TIAM1: variants seen among roughly 807,000 people sequenced by gnomAD.
TIAM1 encodes rho guanine nucleotide exchange factor TIAM1.
A neutral mutation model predicts 163.5 loss-of-function variants in TIAM1; 65 were observed. The ratio of observed to expected loss-of-function variants is 0.40; its 90% CI spans 0.33 to 0.49. The LOEUF is 0.49. TIAM1 is among the 20% of genes least tolerant of loss of function. TIAM1 has a pLI of 0.77. For missense variants in TIAM1, 1,789 were observed against 2,044.7 expected (o/e 0.87, Z 2.41); for synonymous variants, 833 against 810.1 (o/e 1.03, Z -0.48).
intron 23 of TIAM1, among the ~76,000 whole-genome samples, chr21:31,132,409 G>A (rs938286478): frequency 6.6e-6 from 1 of 152,082 alleles, no homozygotes; most frequent in East Asian, 1.9e-4. Context: ...CCCCACAAAG[G>A]TTCACACTGA....
At position 31,177,603 on chromosome 21, in the gene TIAM1, T is replaced by TC. The variant is rs544896721; in HGVS notation, c.2887+4817dup. 6.2e-3 allele frequency among the ~76,000 whole-genome samples: 941 copies of TC among 151,880 alleles called. 14 individuals carry two copies. Among genetic ancestry groups the TC allele is most frequent in the African/African-American group, 0.021 (879 of 41,408 alleles). ...GGCTGGGTGACAGAGTGAGACTCTG[T>TC]CCCCCCCACCAATGACTGAGTTCCA... is the stretch of plus-strand genomic sequence containing the variant. On this transcript the variant is annotated intron_variant, in intron 15 of 27. Transcript: ENST00000541036.
intron 19 of TIAM1, among the ~76,000 whole-genome samples, chr21:31,152,378 C>T (rs991372836): frequency 6.6e-6 from 1 of 152,170 alleles, no homozygotes; most frequent in Non-Finnish European, 1.5e-5. Flanking sequence ...ATTAAAGGCC[C>T]CCACATAAAC....
intron 13 of TIAM1, among the ~76,000 whole-genome samples, chr21:31,191,497 C>T (rs1207313551): frequency 6.6e-6 from 1 of 152,174 alleles, no homozygotes; most frequent in Non-Finnish European, 1.5e-5. Context: ...CAGGTGCCAA[C>T]TGTTTGCTAA....
At chr21:31,421,686 A>C (rs934463628) in intron 2 of TIAM1, among the ~76,000 whole-genome samples, 9 of 152,206 alleles carry the variant, frequency 5.9e-5, no homozygotes, top group African/African-American at 2.2e-4. Flanking sequence ...ACACTGCCCC[A>C]GAGCATTCAG....
chr21:31,407,950 T>G (rs2077277277), intron 2 of TIAM1, among the ~76,000 whole-genome samples: 1 of 152,154 alleles, frequency 6.6e-6, no homozygotes, highest in Non-Finnish European at 1.5e-5. Context: ...AATCAATCCT[T>G]TTAAGGATAT....
At chr21:31,360,795 C>G (rs1488807098) in intron 2 of TIAM1, among the ~76,000 whole-genome samples, 1 of 152,142 alleles carries the variant, frequency 6.6e-6, no homozygotes, top group Non-Finnish European at 1.5e-5. Context: ...ACCAATAAAC[C>G]TATGAATAGG....
intron 2 of TIAM1, among the ~76,000 whole-genome samples, chr21:31,338,531 C>T (rs573894985): frequency 6.6e-5 from 10 of 152,250 alleles, no homozygotes; most frequent in African/African-American, 1.4e-4. Context: ...AGGAAGTAAA[C>T]GGGGACTGCA....
chr21:31,129,805 G>A (rs1191142744), intron 25 of TIAM1, among the ~76,000 whole-genome samples: 4 of 152,174 alleles, frequency 2.6e-5, no homozygotes, highest in African/African-American at 7.2e-5. Context: ...TGGTATTTTT[G>A]GATCTCTCAG....
At chr21:31,470,752 G>C (rs911228029) in intron 1 of TIAM1, among the ~76,000 whole-genome samples, 5 of 152,236 alleles carry the variant, frequency 3.3e-5, no homozygotes, top group Non-Finnish European at 7.3e-5. Context: ...AAAATTTTAA[G>C]AGACAATGCT....
At chr21:31,221,857 G>A (rs552735440) in intron 8 of TIAM1, among the ~76,000 whole-genome samples, 30 of 152,242 alleles carry the variant, frequency 2.0e-4, no homozygotes, top group South Asian at 4.2e-4. Flanking sequence ...CTGAGATTTG[G>A]CTAAGTTAAA....
intron 2 of TIAM1, among the ~76,000 whole-genome samples, chr21:31,381,207 G>T (rs1050114072): frequency 6.6e-6 from 1 of 152,102 alleles, no homozygotes; most frequent in Non-Finnish European, 1.5e-5. Context: ...CGCAAAATCC[G>T]TATGTTGAAA....
chr21:31,494,793 A>G (rs939645310), intron 1 of TIAM1, among the ~76,000 whole-genome samples: 1 of 152,212 alleles, frequency 6.6e-6, no homozygotes. Flanking sequence ...CAATAAGCCG[A>G]GATCGCACCA....
intron 3 of TIAM1, among the ~76,000 whole-genome samples, chr21:31,274,272 C>G (rs1047802845): frequency 6.6e-6 from 1 of 152,024 alleles, no homozygotes; most frequent in Non-Finnish European, 1.5e-5. Context: ...AAGGTCAACC[C>G]TATATGACCC....
chr21:31,316,069 C>T (rs1324865338), intron 2 of TIAM1, among the ~76,000 whole-genome samples: 1 of 152,158 alleles, frequency 6.6e-6, no homozygotes. Context: ...AACCTTCACT[C>T]ATTTCTTCTA....
At chr21:31,317,412 C>T (rs2075164461) in intron 2 of TIAM1, among the ~76,000 whole-genome samples, 1 of 152,104 alleles carries the variant, frequency 6.6e-6, no homozygotes, top group African/African-American at 2.4e-5. Flanking sequence ...AAGATCGCGC[C>T]ATTGTACTCC....
rs147583881 is a variant in TIAM1, at chr21:31,329,892, G to A, written c.-189+9351C>T. On this transcript the variant is annotated intron_variant, in intron 2 of 27. Coordinates refer to ENST00000541036, the MANE Select transcript of TIAM1 (RefSeq NM_001353694.2). The stretch of plus-strand genomic sequence containing the variant: ...CTGTTTCATAATACCATTTTATAGA[G>A]CAGTTTAAGGTTCACAGCAAAATTA... Among the ~76,000 whole-genome samples, 36 of 152,278 alleles carry A rather than the reference G, an allele frequency of 2.4e-4. No individual in the cohort carries two copies. The East Asian group carries it at 5.2e-3, about 22-fold the overall frequency.
In TIAM1 at chr21:31,126,943, T is replaced by A. The variant is rs1180389251; in HGVS notation, c.4133+122A>T. On this transcript the variant is annotated intron_variant, in intron 26 of 27. Transcript: ENST00000541036. ...TCCTCCCAGCTGACTCTCCATTTAC[T>A]GCATCTCAGTGATGTTACAGTACAA... 3 of 878,244 alleles carry A rather than the reference T, an allele frequency of 3.4e-6. No individual in the cohort carries two copies. In the African/African-American group the frequency reaches 5.0e-5, roughly 15 times the overall value. 54.4% of individuals were successfully genotyped at this position (878,244 alleles called of 1,614,324 possible). A position where few individuals can be genotyped will look rare whatever the true frequency, so the allele number is the denominator to read the frequency against.
At chr21:31,186,579 C>T (rs374524771) in intron 14 of TIAM1, among the ~76,000 whole-genome samples, 5 of 151,882 alleles carry the variant, frequency 3.3e-5, no homozygotes, top group Admixed American at 1.3e-4. Context: ...CAAGAACAGC[C>T]GGGGCAACAC....
chr21:31,122,073 A>G (rs141174405), intron 27 of TIAM1, among the ~76,000 whole-genome samples: 100 of 152,342 alleles, frequency 6.6e-4, no homozygotes, highest in African/African-American at 2.3e-3. Context: ...CGAACCCAGC[A>G]GGCACAGGGT....
Sources: allele counts gnomAD v4.1 joint callset (sites outside exome capture counted in the v4.1 genomes callset), GRCh38; gene constraint gnomAD v4.1.1; transcripts MANE v1.5; gene names NCBI Gene and HGNC (gene_info 2026-07-23, HGNC 2026-07-21).